Variants in MCTP1 observed in about 807,000 individuals in gnomAD.
MCTP1 encodes the protein multiple C2 and transmembrane domain-containing protein 1.
MCTP1 carries 69 observed loss-of-function variants against 120.6 expected under a neutral mutation model. That is an observed-to-expected ratio of 0.57 (90% CI 0.47 to 0.70). The LOEUF (loss-of-function observed/expected upper bound fraction) is 0.70, where lower values mean the gene tolerates loss of function less well. MCTP1 is among the 30% of genes least tolerant of loss of function. The pLI, the probability that MCTP1 is intolerant of heterozygous loss-of-function variation, is 0.00. For missense variants in MCTP1, 1,203 were observed against 1,248.8 expected (o/e 0.96, Z 0.55); for synonymous variants, 529 against 493.1 (o/e 1.07, Z -0.96).
At chr5:94,742,074 T>C (rs1022471731) in intron 19 of MCTP1, among the ~76,000 whole-genome samples, 3 of 132,434 alleles carry the variant, frequency 2.3e-5, no homozygotes, top group African/African-American at 5.7e-5. Context: ...GCAAAATCTT[T>C]AGTGTCATTA....
chr5:95,075,221 T>C (rs1753247977), intron 1 of MCTP1, among the ~76,000 whole-genome samples: 1 of 152,236 alleles, frequency 6.6e-6, no homozygotes, highest in African/African-American at 2.4e-5. Context: ...ATACATTTTC[T>C]CTAATCCTCA....
At chr5:94,925,440 G>T (rs1812809524) in intron 6 of MCTP1, among the ~76,000 whole-genome samples, 2 of 151,622 alleles carry the variant, frequency 1.3e-5, no homozygotes, top group Non-Finnish European at 2.9e-5. Flanking sequence ...ACAGAGTCTT[G>T]CTCTGTCGCC....
At chr5:94,954,164 A>C (rs1318378846) in intron 2 of MCTP1, among the ~76,000 whole-genome samples, 2 of 100,848 alleles carry the variant, frequency 2.0e-5, no homozygotes, top group African/African-American at 8.7e-5. Context: ...ATATGCATAT[A>C]TATACATATA....
intron 2 of MCTP1, among the ~76,000 whole-genome samples, chr5:94,975,208 T>A (rs1827836082): frequency 6.6e-6 from 1 of 152,004 alleles, no homozygotes; most frequent in African/African-American, 2.4e-5. Flanking sequence ...GCACAGCATG[T>A]GTTATGGACT....
At chr5:95,211,250 G>A (rs1374251363) in intron 1 of MCTP1, among the ~76,000 whole-genome samples, 2 of 152,048 alleles carry the variant, frequency 1.3e-5, no homozygotes, top group Non-Finnish European at 2.9e-5. Flanking sequence ...AGTTCTCCTG[G>A]ATAATATCCT....
At chr5:94,768,038 A>G (rs892012300) in intron 19 of MCTP1, among the ~76,000 whole-genome samples, 2 of 152,200 alleles carry the variant, frequency 1.3e-5, no homozygotes, top group Non-Finnish European at 2.9e-5. Flanking sequence ...ACAACACGGT[A>G]TTGGTATTAA....
At chr5:95,200,336 C>T (rs1750875517) in intron 1 of MCTP1, among the ~76,000 whole-genome samples, 1 of 152,008 alleles carries the variant, frequency 6.6e-6, no homozygotes, top group Non-Finnish European at 1.5e-5. Context: ...TCCAGCAATC[C>T]CAATACTGGG....
chr5:95,040,241 GC>G (rs1842104708), intron 1 of MCTP1, among the ~76,000 whole-genome samples: 1 of 152,038 alleles, frequency 6.6e-6, no homozygotes, highest in Admixed American at 6.6e-5. Flanking sequence ...TTTGAGACAA[GC>G]CTGGCCAACA....
At chr5:95,188,185 A>G (rs1749439444) in intron 1 of MCTP1, among the ~76,000 whole-genome samples, 2 of 152,230 alleles carry the variant, frequency 1.3e-5, no homozygotes, top group South Asian at 4.1e-4. Context: ...ACCATTAAAG[A>G]AACAAATTAA....
At chr5:95,238,450 A>AGTGTT (rs1165385111) in intron 1 of MCTP1, among the ~76,000 whole-genome samples, 6 of 152,122 alleles carry the variant, frequency 3.9e-5, no homozygotes, top group Non-Finnish European at 8.8e-5. Context: ...GGGGGCTAAC[A>AGTGTT]CTGTTTCCAA....
intron 1 of MCTP1, among the ~76,000 whole-genome samples, chr5:95,262,342 CT>C (rs1327092962): frequency 6.6e-6 from 1 of 152,190 alleles, no homozygotes; most frequent in Non-Finnish European, 1.5e-5. Context: ...CCAGCACCTT[CT>C]ACCCATGGCT....
intron 6 of MCTP1, among the ~76,000 whole-genome samples, chr5:94,925,631 A>G (rs1390430676): frequency 6.6e-6 from 1 of 152,200 alleles, no homozygotes; most frequent in East Asian, 1.9e-4. Context: ...GAATGGTCTC[A>G]ATCTCCTGAC....
intron 19 of MCTP1, among the ~76,000 whole-genome samples, chr5:94,732,762 T>C (rs1032342250): frequency 6.6e-6 from 1 of 152,146 alleles, no homozygotes; most frequent in African/African-American, 2.4e-5. Context: ...CAGCTGTCTA[T>C]AGAACCAGGA....
intron 19 of MCTP1, among the ~76,000 whole-genome samples, chr5:94,746,882 G>A (rs1401493578): frequency 6.6e-6 from 1 of 152,138 alleles, no homozygotes; most frequent in Non-Finnish European, 1.5e-5. Context: ...AGTATATTTT[G>A]CTGTGGCTAA....
At chr5:95,177,237 T>C (rs1748104680) in intron 1 of MCTP1, among the ~76,000 whole-genome samples, 1 of 152,040 alleles carries the variant, frequency 6.6e-6, no homozygotes, top group Admixed American at 6.5e-5. Context: ...GCTCCTGTGA[T>C]TGTGGAGATT....
At chr5:94,892,929 T>A (rs976900373) in intron 11 of MCTP1, among the ~76,000 whole-genome samples, 2 of 152,200 alleles carry the variant, frequency 1.3e-5, no homozygotes, top group Non-Finnish European at 2.9e-5. Context: ...TTTATGGATA[T>A]GAGTAAATAT....
At chr5:94,773,468 T>C (rs755615883) in intron 19 of MCTP1, among the ~76,000 whole-genome samples, 1 of 152,170 alleles carries the variant, frequency 6.6e-6, no homozygotes, top group Non-Finnish European at 1.5e-5. Flanking sequence ...AATTCTAAGA[T>C]GGCTGCCAAG....
chr5:95,144,110 G>A (rs1046081557), intron 1 of MCTP1, among the ~76,000 whole-genome samples: 2 of 152,150 alleles, frequency 1.3e-5, no homozygotes, highest in Admixed American at 6.5e-5. Flanking sequence ...TCTGACTGGT[G>A]TGAGTTGGTA....
At chr5:94,869,284 C>T (rs1042910880) in intron 16 of MCTP1, among the ~76,000 whole-genome samples, 7 of 151,892 alleles carry the variant, frequency 4.6e-5, no homozygotes, top group South Asian at 4.1e-4. Flanking sequence ...TATACTTCAA[C>T]GCTGATCTGA....
Sources: gnomAD v4.1 joint callset for allele counts (sites outside exome capture counted in the v4.1 genomes callset) on GRCh38, gnomAD v4.1.1 for gene constraint, MANE v1.5 for transcripts, NCBI Gene and HGNC (gene_info 2026-07-23, HGNC 2026-07-21) for gene names.